ATRNL1: variants seen among roughly 807,000 people sequenced by gnomAD.
ATRNL1 encodes attractin like 1.
Under a neutral mutation model 182.7 loss-of-function variants are expected in ATRNL1, and 95 were observed. That is an observed-to-expected ratio of 0.52 (90% CI 0.44 to 0.62). The LOEUF is 0.62. Among genes scored for constraint, ATRNL1 ranks in the 20% least tolerant of loss-of-function variants. ATRNL1 has a pLI of 0.00. For synonymous variants in ATRNL1, 576 were observed against 568.3 expected, an observed-to-expected ratio of 1.01 and a Z score of -0.19; for missense variants, 1,471 against 1,679.5, an observed-to-expected ratio of 0.88 and a Z score of 2.17.
chr10:115,517,791 T>C (rs141213905), intron 24 of ATRNL1, among the ~76,000 whole-genome samples: 82 of 152,014 alleles, frequency 5.4e-4, no homozygotes, highest in Middle Eastern at 3.4e-3. Context: ...TCTGTTACCA[T>C]GGATTTAAGT....
At chr10:115,314,070 C>T (rs974382965) in intron 17 of ATRNL1, among the ~76,000 whole-genome samples, 12 of 152,000 alleles carry the variant, frequency 7.9e-5, no homozygotes, top group Admixed American at 7.2e-4. Flanking sequence ...TGTCATTTAG[C>T]GCTGTGTACT....
chr10:115,692,428 A>G (rs1398345870), intron 26 of ATRNL1, among the ~76,000 whole-genome samples: 1 of 152,184 alleles, frequency 6.6e-6, no homozygotes, highest in Non-Finnish European at 1.5e-5. Flanking sequence ...GTCAGGAGCC[A>G]TGAACCCAAA....
intron 19 of ATRNL1, among the ~76,000 whole-genome samples, chr10:115,363,271 A>G (rs1256902199): frequency 1.3e-5 from 2 of 152,140 alleles, no homozygotes; most frequent in African/African-American, 4.8e-5. Context: ...CTGGTCAGTG[A>G]TGATGAGCAT....
rs565148574 is a variant in ATRNL1, at chr10:115,460,921, A to G, written c.3323-1020A>G. On this transcript the variant is annotated intron_variant, in intron 21 of 28. Transcript: ENST00000355044. ...TTTTTGGCAGTCAGATGAAAATTGG[A>G]ACTATGACCTACTGCATAATTCTCA... Among the ~76,000 whole-genome samples the G allele has an allele frequency of 2.0e-5, 3 of 152,250 alleles. No individual in the cohort carries two copies. The East Asian group carries it at 5.8e-4, about 29-fold the overall frequency.
chr10:115,320,863 A>G (rs529818048), intron 18 of ATRNL1, among the ~76,000 whole-genome samples: 113 of 152,204 alleles, frequency 7.4e-4, no homozygotes, highest in African/African-American at 2.6e-3. Context: ...TCTGAAGCCT[A>G]CTTCTGTCAA....
chr10:115,415,947 A>G, intron 20 of ATRNL1, among the ~76,000 whole-genome samples: 1 of 152,048 alleles, frequency 6.6e-6, no homozygotes, highest in East Asian at 1.9e-4. Context: ...ATTTAATTAT[A>G]GAGACTTTGA....
intron 26 of ATRNL1, among the ~76,000 whole-genome samples, chr10:115,622,495 C>T (rs529695976): frequency 5.9e-5 from 9 of 152,246 alleles, no homozygotes; most frequent in African/African-American, 1.2e-4. Context: ...TGAGGGTCCT[C>T]GCTTCTTAAC....
At chr10:115,254,355 G>T (rs1206582250) in intron 10 of ATRNL1, among the ~76,000 whole-genome samples, 1 of 152,198 alleles carries the variant, frequency 6.6e-6, no homozygotes, top group Non-Finnish European at 1.5e-5. Flanking sequence ...GTATCTCACT[G>T]TGGTTTTGAT....
chr10:115,924,430 G>A, intron 28 of ATRNL1, among the ~76,000 whole-genome samples: 1 of 152,074 alleles, frequency 6.6e-6, no homozygotes, highest in South Asian at 2.1e-4. Context: ...TTTGTATAAG[G>A]TGTAAGGAAG....
chr10:115,300,299 C>A, intron 16 of ATRNL1, 52 bp downstream of exon 16: 1 of 1,409,438 alleles, frequency 7.1e-7, no homozygotes, highest in Non-Finnish European at 9.9e-7. Context: ...TCCCACCCAT[C>A]TTCTCATTCC....
chr10:115,438,166 A>G (rs1474598076), intron 21 of ATRNL1, among the ~76,000 whole-genome samples: 1 of 152,024 alleles, frequency 6.6e-6, no homozygotes, highest in Non-Finnish European at 1.5e-5. Context: ...TTCTTCCCAA[A>G]TAAGTTGAAA....
chr10:115,492,644 ATTT>A (rs10677710), intron 24 of ATRNL1, among the ~76,000 whole-genome samples: 1 of 121,856 alleles, frequency 8.2e-6, no homozygotes, highest in Non-Finnish European at 1.6e-5. Flanking sequence ...TACTAAAGTG[ATTT>A]TTTTTTTTTT....
chr10:115,758,154 T>C (rs1275782542), intron 27 of ATRNL1, among the ~76,000 whole-genome samples: 1 of 152,094 alleles, frequency 6.6e-6, no homozygotes, highest in Non-Finnish European at 1.5e-5. Flanking sequence ...TTCTGAAGCC[T>C]ACTTCTGATA....
intron 28 of ATRNL1, among the ~76,000 whole-genome samples, chr10:115,933,943 G>A (rs1381698069): frequency 2.6e-5 from 4 of 152,120 alleles, no homozygotes; most frequent in South Asian, 2.1e-4. Flanking sequence ...GTTTTCCACC[G>A]AAGATTTGCA....
At chr10:115,577,610 T>TTGTGTGTGTGTG (rs3981280) in intron 26 of ATRNL1, among the ~76,000 whole-genome samples, 2,376 of 135,048 alleles carry the variant, frequency 0.018, 42 homozygotes, top group Middle Eastern at 0.046. Flanking sequence ...TTCTAACAGG[T>TTGTGTGTGTGTG]TGTGTGTGTG....
chr10:115,725,722 C>T (rs1273702835), intron 26 of ATRNL1, among the ~76,000 whole-genome samples: 3 of 138,564 alleles, frequency 2.2e-5, no homozygotes, highest in Non-Finnish European at 4.8e-5. Flanking sequence ...AACCTGGTGT[C>T]TTCTGCATTT....
intron 8 of ATRNL1, among the ~76,000 whole-genome samples, chr10:115,205,138 G>A (rs1420022709): frequency 4.0e-5 from 6 of 151,806 alleles, no homozygotes; most frequent in Admixed American, 1.3e-4. Context: ...TGACACTTTT[G>A]TCTATTAACC....
chr10:115,388,118 C>T (rs575589330), intron 19 of ATRNL1, among the ~76,000 whole-genome samples: 2 of 152,302 alleles, frequency 1.3e-5, no homozygotes, highest in Non-Finnish European at 2.9e-5. Context: ...GGAATCTATT[C>T]AGCTATCTTG....
chr10:115,773,515 T>C (rs1949044589), intron 27 of ATRNL1, among the ~76,000 whole-genome samples: 1 of 152,332 alleles, frequency 6.6e-6, no homozygotes, highest in Non-Finnish European at 1.5e-5. Flanking sequence ...ATATATAAGA[T>C]ATAGCCCAGT....
Sources: gnomAD v4.1 joint callset for allele counts (sites outside exome capture counted in the v4.1 genomes callset) on GRCh38, gnomAD v4.1.1 for gene constraint, MANE v1.5 for transcripts, NCBI Gene and HGNC (gene_info 2026-07-23, HGNC 2026-07-21) for gene names.